The following MPV17 variants were observed in gnomAD, a reference collection of about 807,000 sequenced individuals.
The protein encoded by MPV17 is mitochondrial inner membrane protein MPV17.
In MPV17, 31 loss-of-function variants were observed where a neutral mutation model predicts 28.6. The observed-to-expected ratio is 1.08, with a 90% CI of 0.81 to 1.46. The LOEUF (loss-of-function observed/expected upper bound fraction) is 1.46. MPV17 is among the 40% of genes most tolerant of loss of function. The pLI, the probability that MPV17 is intolerant of heterozygous loss-of-function variation, is 0.00. For synonymous variants in MPV17, 87 were observed against 85.3 expected, an observed-to-expected ratio of 1.02 and a Z score of -0.11; for missense variants, 198 against 216.2, an observed-to-expected ratio of 0.92 and a Z score of 0.53.
At chr2:27,313,680 G>C (rs745841618) in intron 2 of MPV17, among the ~76,000 whole-genome samples, 7 of 152,094 alleles carry the variant, frequency 4.6e-5, no homozygotes, top group Non-Finnish European at 8.8e-5. Context: ...TTTCACCTTG[G>C]TCTAGGGGAT....
At chr2:27,312,188 C>G in intron 6 of MPV17, 26 bp downstream of exon 6, 4 of 1,612,132 alleles carry the variant, frequency 2.5e-6, no homozygotes, top group Non-Finnish European at 3.4e-6. Flanking sequence ...AGCAGGAGAA[C>G]AAGCAGTTGA....
At chr2:27,310,316 G>C (rs1335422102) in intron 7 of MPV17, among the ~76,000 whole-genome samples, 1 of 152,040 alleles carries the variant, frequency 6.6e-6, no homozygotes, top group Non-Finnish European at 1.5e-5. Context: ...GGCTGGTCTC[G>C]AACTCCTGAC....
rs1376297227 is a variant in MPV17, at chr2:27,313,046, T to A, written c.134A>T (p.Glu45Val). The part of the protein sequence containing the change: ...QQLVERRGLQ[E>V]HQRGRTLTMV... ...GGTCAGAGTCCGGCCTCTCTGGTGT[T>A]CCTGCAGACCCCGCCTCTCCACCAG... Residue 45 changes from glutamate (E) to valine (V), a missense_variant, in exon 3 of 8, where the codon GAA becomes GTA. By Grantham distance (121) the Glu-to-Val change is moderately radical (BLOSUM62 -2). Coordinates refer to ENST00000380044, the MANE Select transcript of MPV17 (RefSeq NM_002437.5). The A allele has an allele frequency of 6.2e-7, 1 of 1,614,066 alleles. No individual in the cohort carries two copies. The highest frequency in any genetic ancestry group is 1.3e-5 in the African/African-American group (1 of 74,914).
chr2:27,319,709 G>T (rs1269132183), intron 2 of MPV17, among the ~76,000 whole-genome samples: 1 of 151,280 alleles, frequency 6.6e-6, no homozygotes, highest in Non-Finnish European at 1.5e-5. Flanking sequence ...CGGATCACTT[G>T]AGGTCAGGAG....
Position 27,317,261 on chromosome 2 carries a change from A to G in MPV17, c.71-4152T>C, listed in dbSNP as rs1263108469. The G allele has an allele frequency of 7.9e-6, 12 of 1,523,258 alleles. No homozygotes were observed. Among genetic ancestry groups the G allele is most frequent in the African/African-American group, 1.4e-5 (1 of 72,264 alleles). The allele number at this position is 1,523,258 out of a possible 1,614,324, so 94.4% of individuals were successfully genotyped here. On this transcript the variant is annotated intron_variant, in intron 2 of 7. Transcript: ENST00000380044. The surrounding 1 kb of genome is among the most constrained non-coding windows in gnomAD (Gnocchi z 4.0). Reference sequence around the variant, plus strand: ...TGCAAACATTAGTTAGCTGCCTAGGATAGGGGCTCAGTCTGGCACAGAGCC... The same window carrying G: ...TGCAAACATTAGTTAGCTGCCTAGGGTAGGGGCTCAGTCTGGCACAGAGCC...
rs776906729 is a variant in MPV17 at position 27,322,541 on chromosome 2, AG to A, written c.-5-20del. 4 of 1,610,534 alleles carry A rather than the reference AG, an allele frequency of 2.5e-6. No individual in the cohort carries two copies. In the South Asian group the frequency reaches 4.4e-5, roughly 18 times the overall value. Reference sequence around the variant, plus strand: ...ATGCTTCCTGTCAAGCCAAGAGGAGAGGGGGTCACCCCCACCGTCCCTCTCC... The same window carrying A: ...ATGCTTCCTGTCAAGCCAAGAGGAGAGGGGTCACCCCCACCGTCCCTCTCC... On this transcript the variant is annotated intron_variant, in intron 1 of 7. Coordinates refer to ENST00000380044, the MANE Select transcript of MPV17 (RefSeq NM_002437.5).
intron 1 of MPV17, 22 bp from the exon 2 acceptor site, chr2:27,322,544 G>T: frequency 6.2e-7 from 1 of 1,608,524 alleles, no homozygotes; most frequent in Non-Finnish European, 8.5e-7. Flanking sequence ...AGAGGAGAGG[G>T]GGTCACCCCC....
chr2:27,316,057 G>A (rs1572547882), intron 2 of MPV17: 2 of 1,550,110 alleles, frequency 1.3e-6, no homozygotes, highest in South Asian at 1.2e-5. Context: ...TCCTGCCCAA[G>A]TGAGGCCCCA....
At position 27,315,851 on chromosome 2, in the gene MPV17, G is replaced by C. The variant is rs576177081; in HGVS notation, c.71-2742C>G. The C allele has an allele frequency of 1.1e-5, 14 of 1,305,802 alleles. No individual in the cohort carries two copies. The South Asian group carries it at 2.2e-4, about 21-fold the overall frequency. 80.9% of individuals were successfully genotyped at this position (1,305,802 alleles called of 1,614,324 possible). ...TGTTGGGATTATAGGTGTGAGCCAC[G>C]GCACCCAGCCTACACCCCCATTTAA... is the stretch of plus-strand genomic sequence containing the variant. On this transcript the variant is annotated intron_variant, in intron 2 of 7. Coordinates refer to ENST00000380044, the MANE Select transcript of MPV17 (RefSeq NM_002437.5).
chr2:27,322,287 A>T (rs568249722), intron 2 of MPV17, 161 bp downstream of exon 2: 7 of 722,572 alleles, frequency 9.7e-6, no homozygotes, highest in African/African-American at 8.7e-5. Context: ...AGCCTTGGGG[A>T]CCACCCTCCA....
In MPV17 at chr2:27,314,533, C is replaced by T. The variant is rs114241278; in HGVS notation, c.71-1424G>A. The stretch of plus-strand genomic sequence containing the variant: ...CCTTCCAGGACTCTGCACCTGCTTC[C>T]CTTGCCCCAACTGCACAGATACCCA... On this transcript the variant is annotated intron_variant, in intron 2 of 7. Transcript: ENST00000380044. Among the ~76,000 whole-genome samples the T allele has an allele frequency of 3.8e-3, 578 of 152,246 alleles. 1 individual carries two copies. Among genetic ancestry groups the T allele is most frequent in the African/African-American group, 0.013 (549 of 41,524 alleles).
In MPV17 at chr2:27,317,280, CAGA is replaced by C; in HGVS notation, c.71-4174_71-4172del. ...CCTAGGATAGGGGCTCAGTCTGGCA[CAGA>C]GCCCAGAGGGAGTGGAAGCCCAGCA... On this transcript the variant is annotated intron_variant, in intron 2 of 7. Coordinates refer to ENST00000380044, the MANE Select transcript of MPV17 (RefSeq NM_002437.5). This position sits in a 1 kb window ranked among gnomAD's most constrained non-coding sequence, Gnocchi z 4.0. 6.8e-7 allele frequency: 1 copy of C among 1,470,122 alleles called. No individual in the cohort carries two copies. Among genetic ancestry groups the C allele is most frequent in the Non-Finnish European group, 9.1e-7 (1 of 1,103,794 alleles). 91.1% of individuals were successfully genotyped at this position (1,470,122 alleles called of 1,614,324 possible).
At chr2:27,322,166 TC>T (rs1233113235) in intron 2 of MPV17, 1 of 535,308 alleles carries the variant, frequency 1.9e-6, no homozygotes, top group African/African-American at 1.9e-5. Context: ...AGTTGAGGCC[TC>T]CTGGGGCAAT....
intron 2 of MPV17, chr2:27,316,770 T>C: frequency 3.4e-6 from 1 of 296,640 alleles, no homozygotes; most frequent in East Asian, 7.0e-5. Flanking sequence ...TGCAGACACA[T>C]AATGGCCAGA....
At chr2:27,320,402 T>C (rs981905237) in intron 2 of MPV17, among the ~76,000 whole-genome samples, 7 of 151,190 alleles carry the variant, frequency 4.6e-5, no homozygotes, top group African/African-American at 1.5e-4. Context: ...AATGGCACAA[T>C]CTTGGCTCAC....
rs1327958067 is a variant in MPV17, at chr2:27,322,479, A to T, written c.39T>A (p.Ala13=). ...TCAGGACCTGTACTTTCCACGGGTG[A>T]GCGGCCAGGGCCCGCTGGTATGCCC... ...LWRAYQRALA[A]HPWKVQVLTA... The change falls in exon 2 of 8, where the codon GCT becomes GCA. Residue 13 remains alanine, a synonymous_variant. Transcript: ENST00000380044. 6.2e-7 allele frequency: 1 copy of T among 1,613,988 alleles called. No individual in the cohort carries two copies. The highest frequency in any genetic ancestry group is 1.3e-5 in the African/African-American group (1 of 74,946).
In MPV17 at chr2:27,322,699, G is replaced by A; in HGVS notation, c.-5-177C>T. On this transcript the variant is annotated intron_variant, in intron 1 of 7. Transcript: ENST00000380044. ...GCTTCCTGTCGCAGGAGTCGCCTTA[G>A]ACAATTGGGGAAGAGAGAAAGGCTG... 1.8e-5 allele frequency: 11 copies of A among 622,120 alleles called. No homozygotes were observed. The South Asian group carries it at 2.0e-4, about 12-fold the overall frequency. The allele number at this position is 622,120 out of a possible 1,614,324, so 38.5% of individuals were successfully genotyped here.
At chr2:27,316,225 A>G (rs556838940) in intron 2 of MPV17, 4 of 1,549,510 alleles carry the variant, frequency 2.6e-6, no homozygotes, top group African/African-American at 1.4e-5. Context: ...TTCACTCTTC[A>G]TGACTTGCCA....
At chr2:27,313,482 T>C (rs2148216797) in intron 2 of MPV17, 3 of 497,532 alleles carry the variant, frequency 6.0e-6, no homozygotes. Flanking sequence ...AAACCACTTA[T>C]TTTAGAGGTA....
Sources: allele counts gnomAD v4.1 joint callset (sites outside exome capture counted in the v4.1 genomes callset), GRCh38; gene constraint gnomAD v4.1.1; non-coding constraint Gnocchi (gnomAD v3.1); transcripts MANE v1.5; gene names NCBI Gene and HGNC (gene_info 2026-07-23, HGNC 2026-07-21).